The following RTL4 variants were observed in gnomAD, a reference collection of about 807,000 sequenced individuals.
RTL4 encodes the protein retrotransposon Gag like 4, also known as retrotransposon Gag-like protein 4.
A neutral mutation model predicts 5.3 loss-of-function variants in RTL4; 4 were observed. The ratio of observed to expected loss-of-function variants is 0.75; its 90% CI spans 0.37 to 1.72. The LOEUF (loss-of-function observed/expected upper bound fraction) is 1.72. Ranked by LOEUF, RTL4 falls within the 40% of genes most tolerant of loss-of-function variation. The pLI is 0.04. For synonymous variants in RTL4, 98 were observed against 87.3 expected (o/e 1.12, Z -0.68); for missense variants, 260 against 227.1 (o/e 1.14, Z -0.93).
At chrX:112,369,921 T>C in the RTL4 span, among the ~76,000 whole-genome samples, 756 of 112,205 alleles carry the variant, frequency 6.7e-3, 9 homozygotes, top group African/African-American at 0.023. Flanking sequence ...AGAGTGACTC[T>C]GAGATCAGAG....
the RTL4 span, among the ~76,000 whole-genome samples, chrX:112,291,885 G>A: frequency 5.4e-5 from 6 of 110,308 alleles, no homozygotes; most frequent in East Asian, 5.7e-4. Context: ...ATGAGCCACC[G>A]TGCCCGGCCT....
At chrX:112,356,182 G>A in the RTL4 span, among the ~76,000 whole-genome samples, 1 of 111,387 alleles carries the variant, frequency 9.0e-6, no homozygotes, top group East Asian at 2.8e-4. Context: ...ACTTGTGGGG[G>A]AGATTTTCCC....
chrX:112,363,841 G>A, the RTL4 span, among the ~76,000 whole-genome samples: 1 of 111,592 alleles, frequency 9.0e-6, no homozygotes, highest in African/African-American at 3.3e-5. Flanking sequence ...CATTGAGGAT[G>A]TGACCACAGT....
At chrX:112,309,895 CAT>C in the RTL4 span, among the ~76,000 whole-genome samples, 15 of 102,301 alleles carry the variant, frequency 1.5e-4, no homozygotes, top group African/African-American at 4.8e-4. Context: ...CACACACACA[CAT>C]ATATGTGTGT....
chrX:112,418,987 A>C, the RTL4 span, among the ~76,000 whole-genome samples: 4 of 105,462 alleles, frequency 3.8e-5, no homozygotes, highest in African/African-American at 1.4e-4. Context: ...AGTAAGAAAG[A>C]AAGCATGGGA....
At chrX:112,234,651 C>G in the RTL4 span, among the ~76,000 whole-genome samples, 1 of 112,033 alleles carries the variant, frequency 8.9e-6, no homozygotes, top group Non-Finnish European at 1.9e-5. Flanking sequence ...GTGCTCCTCC[C>G]TTTCCTCTGT....
the RTL4 span, among the ~76,000 whole-genome samples, chrX:112,192,422 T>C: frequency 9.0e-6 from 1 of 111,415 alleles, no homozygotes; most frequent in African/African-American, 3.3e-5. Context: ...CTATTTGTTT[T>C]CTATATGTCT....
chrX:112,281,926 C>T, the RTL4 span, among the ~76,000 whole-genome samples: 1 of 111,801 alleles, frequency 8.9e-6, no homozygotes, highest in African/African-American at 3.2e-5. Flanking sequence ...TATATTTTCC[C>T]ATTTTGTAAA....
the RTL4 span, among the ~76,000 whole-genome samples, chrX:112,428,905 C>G: frequency 9.0e-6 from 1 of 111,577 alleles, no homozygotes; most frequent in Non-Finnish European, 1.9e-5. Context: ...TGTAATTCCC[C>G]TTTACCCCTA....
chrX:112,174,567 C>T, the RTL4 span, among the ~76,000 whole-genome samples: 1 of 102,485 alleles, frequency 9.8e-6, no homozygotes, highest in Non-Finnish European at 2.0e-5. Context: ...TTTATAGCAG[C>T]ATGATTTATA....
At chrX:112,090,899 G>A in the RTL4 span, among the ~76,000 whole-genome samples, 1 of 111,026 alleles carries the variant, frequency 9.0e-6, no homozygotes, top group African/African-American at 3.3e-5. Context: ...AAGGGGGCAA[G>A]GGGTGGACTG....
At chrX:112,352,816 A>G in the RTL4 span, among the ~76,000 whole-genome samples, 2 of 111,662 alleles carry the variant, frequency 1.8e-5, no homozygotes, top group Non-Finnish European at 3.8e-5. Flanking sequence ...GCAACAAAAG[A>G]CAAAATTGAC....
At chrX:112,336,975 A>C in the RTL4 span, among the ~76,000 whole-genome samples, 1 of 112,224 alleles carries the variant, frequency 8.9e-6, no homozygotes, top group African/African-American at 3.2e-5. Flanking sequence ...TGGTGTTCAC[A>C]TGTTGTGAAA....
the RTL4 span, among the ~76,000 whole-genome samples, chrX:112,355,574 C>A: frequency 9.0e-6 from 1 of 111,340 alleles, no homozygotes; most frequent in African/African-American, 3.3e-5. Context: ...TGGGCCCTTG[C>A]TACTTCTGCA....
chrX:112,112,103 C>T, the RTL4 span, among the ~76,000 whole-genome samples: 1 of 111,898 alleles, frequency 8.9e-6, no homozygotes, highest in African/African-American at 3.3e-5. Flanking sequence ...ATGGCTACTG[C>T]CACAACTATC....
the RTL4 span, among the ~76,000 whole-genome samples, chrX:112,185,432 T>G: frequency 2.9e-5 from 3 of 103,517 alleles, no homozygotes; most frequent in African/African-American, 1.1e-4. Context: ...AGTAGATAGA[T>G]AGATGATAGG....
chrX:112,147,059 C>T, the RTL4 span, among the ~76,000 whole-genome samples: 4 of 108,255 alleles, frequency 3.7e-5, no homozygotes, highest in Admixed American at 1.0e-4. Flanking sequence ...TGTACAGTCC[C>T]TTGCTCCAAA....
At chrX:112,383,306 A>C in the RTL4 span, among the ~76,000 whole-genome samples, 1 of 111,754 alleles carries the variant, frequency 8.9e-6, no homozygotes, top group East Asian at 2.8e-4. Context: ...ATATAATCTC[A>C]TATTTTAACA....
the RTL4 span, among the ~76,000 whole-genome samples, chrX:112,278,229 A>G: frequency 8.9e-6 from 1 of 112,662 alleles, no homozygotes; most frequent in Non-Finnish European, 1.9e-5. Context: ...TTAAATGACT[A>G]TAAATAATGT....
Sources: allele counts gnomAD v4.1 joint callset (sites outside exome capture counted in the v4.1 genomes callset), GRCh38; gene constraint gnomAD v4.1.1; transcripts MANE v1.5; gene names NCBI Gene and HGNC (gene_info 2026-07-23, HGNC 2026-07-21).